ADARB2: variants seen among roughly 807,000 people sequenced by gnomAD.
ADARB2 encodes adenosine deaminase RNA specific B2 (inactive), also known as inactive double-stranded RNA-specific editase B2.
A neutral mutation model predicts 62.2 loss-of-function variants in ADARB2; 25 were observed. The observed-to-expected ratio is 0.40, with a 90% CI of 0.29 to 0.56. ADARB2 has a LOEUF of 0.56. Ranked by LOEUF, ADARB2 falls within the 20% of genes least tolerant of loss-of-function variation. The pLI, the probability that ADARB2 is intolerant of heterozygous loss-of-function variation, is 0.43. For synonymous variants in ADARB2, 572 were observed against 500.8 expected (o/e 1.14, Z -1.90); for missense variants, 1,071 against 1,077.4 (o/e 0.99, Z 0.08).
At chr10:1,581,936 C>G (rs1478022009) in intron 1 of ADARB2, among the ~76,000 whole-genome samples, 4 of 151,760 alleles carry the variant, frequency 2.6e-5, no homozygotes, top group African/African-American at 7.3e-5. Context: ...TTTTCTCTGC[C>G]CTGGAACAGG....
At chr10:1,460,009 C>CAAACCTGCCTGTGACCTCAGTTTACCTGT (rs1831149834) in intron 1 of ADARB2, among the ~76,000 whole-genome samples, 1 of 60,226 alleles carries the variant, frequency 1.7e-5, no homozygotes. Flanking sequence ...AGTTTACCTG[C>CAAACCTGCCTGTGACCTCAGTTTACCTGT]GTAACAAACC....
chr10:1,336,644 G>T (rs1188435471), intron 3 of ADARB2, among the ~76,000 whole-genome samples: 2 of 152,150 alleles, frequency 1.3e-5, no homozygotes, highest in African/African-American at 4.8e-5. Flanking sequence ...AGCTGCTTGT[G>T]AATTATGAGG....
chr10:1,290,795 G>A (rs1028787202), intron 3 of ADARB2: 10 of 152,326 alleles, frequency 6.6e-5, no homozygotes, highest in African/African-American at 2.2e-4. Context: ...TACTGCTTTA[G>A]CAATCAACTT....
At chr10:1,277,706 A>G (rs968178044) in intron 3 of ADARB2, among the ~76,000 whole-genome samples, 2 of 152,320 alleles carry the variant, frequency 1.3e-5, no homozygotes, top group African/African-American at 4.8e-5. Context: ...TCCTTCTGAA[A>G]CTATTCCAAT....
At chr10:1,629,411 C>T (rs1833814718) in intron 1 of ADARB2, among the ~76,000 whole-genome samples, 1 of 152,028 alleles carries the variant, frequency 6.6e-6, no homozygotes, top group African/African-American at 2.4e-5. Flanking sequence ...TAATTCACTT[C>T]CCCCATTACC....
Position 1,537,833 on chromosome 10 carries a change from G to A in ADARB2, c.101-158673C>T, listed in dbSNP as rs568803803. On this transcript the variant is annotated intron_variant, in intron 1 of 9. Coordinates refer to ENST00000381312, the MANE Select transcript of ADARB2 (RefSeq NM_018702.4). ...GTCAGGGGGTGAGGGGTGAGGGGAG[G>A]GACAGCATTAGGACAAATACCTAAT... 1.6e-3 allele frequency among the ~76,000 whole-genome samples: 245 copies of A among 152,054 alleles called. 1 individual carries two copies. The highest frequency in any genetic ancestry group is 3.4e-3 in the Middle Eastern group (1 of 294).
At chr10:1,608,195 A>G (rs1364919570) in intron 1 of ADARB2, among the ~76,000 whole-genome samples, 1 of 152,228 alleles carries the variant, frequency 6.6e-6, no homozygotes, top group Admixed American at 6.5e-5. Context: ...GGGTTTGGAA[A>G]GTCCATAAGA....
intron 3 of ADARB2, among the ~76,000 whole-genome samples, chr10:1,274,676 A>T (rs1320857792): frequency 6.6e-6 from 1 of 152,214 alleles, no homozygotes; most frequent in African/African-American, 2.4e-5. Flanking sequence ...GAAGACACAC[A>T]AACAGTGACA....
chr10:1,361,116 G>A (rs1363175438), intron 3 of ADARB2: 1 of 152,220 alleles, frequency 6.6e-6, no homozygotes, highest in African/African-American at 2.4e-5. Context: ...GAGGTGGCAG[G>A]AGACCCGAGC....
At chr10:1,438,791 C>T (rs1830866272) in intron 1 of ADARB2, among the ~76,000 whole-genome samples, 2 of 147,438 alleles carry the variant, frequency 1.4e-5, no homozygotes, top group African/African-American at 5.0e-5. Flanking sequence ...GAGGCAGGCC[C>T]TTCATGATGG....
At chr10:1,450,900 C>G (rs886112718) in intron 1 of ADARB2, among the ~76,000 whole-genome samples, 1 of 152,204 alleles carries the variant, frequency 6.6e-6, no homozygotes, top group African/African-American at 2.4e-5. Context: ...TTTTGGGTGA[C>G]CCCACTGGCC....
Position 1,363,555 on chromosome 10 carries a change from G to A in ADARB2, c.550C>T (p.Leu184=), listed in dbSNP as rs1387724951. Residue 184 remains leucine, a synonymous_variant, in exon 3 of 10, where the codon CTG becomes TTG. Coordinates refer to ENST00000381312, the MANE Select transcript of ADARB2 (RefSeq NM_018702.4). ...AACTGCACGAAGGACCTGAGTGCCA[G>A]CTCCGCCGCGCGCATCTTGGCCTTC... ...KKKAKMRAAE[L]ALRSFVQFPN... 6.4e-7 allele frequency: 1 copy of A among 1,568,222 alleles called. No homozygotes were observed. Among genetic ancestry groups the A allele is most frequent in the Non-Finnish European group, 8.6e-7 (1 of 1,158,326 alleles).
At chr10:1,604,516 C>CA (rs1415490385) in intron 1 of ADARB2, among the ~76,000 whole-genome samples, 5 of 152,132 alleles carry the variant, frequency 3.3e-5, no homozygotes, top group African/African-American at 1.2e-4. Flanking sequence ...AGGGAGAGGC[C>CA]AGGCACTGTT....
At chr10:1,350,480 C>T (rs968167727) in intron 3 of ADARB2, among the ~76,000 whole-genome samples, 9 of 152,206 alleles carry the variant, frequency 5.9e-5, no homozygotes, top group Non-Finnish European at 1.0e-4. Flanking sequence ...CCTCCTCACA[C>T]CTGGTCTGAC....
chr10:1,462,338 A>G (rs1831185736), intron 1 of ADARB2, among the ~76,000 whole-genome samples: 1 of 152,214 alleles, frequency 6.6e-6, no homozygotes, highest in African/African-American at 2.4e-5. Flanking sequence ...GGGAGAGGCA[A>G]AATAGTGGCA....
In ADARB2 at chr10:1,262,206, T is replaced by G. The variant is rs1404940290; in HGVS notation, c.1192+8749A>C. On this transcript the variant is annotated intron_variant, in intron 4 of 9. Coordinates refer to ENST00000381312, the MANE Select transcript of ADARB2 (RefSeq NM_018702.4). ...TACCTAATGCTAGATGACGAGTTAG[T>G]GGGTGCAGTACACCAGCATGGCACA... Among the ~76,000 whole-genome samples the G allele has an allele frequency of 4.8e-5, 7 of 146,320 alleles. 1 individual carries two copies. Among genetic ancestry groups the G allele is most frequent in the African/African-American group, 1.8e-4 (7 of 37,946 alleles).
chr10:1,273,221 C>G (rs1435206286), intron 3 of ADARB2, among the ~76,000 whole-genome samples: 1 of 152,208 alleles, frequency 6.6e-6, no homozygotes, highest in African/African-American at 2.4e-5. Context: ...CCCTCGTTTA[C>G]TCTTTCAATG....
chr10:1,704,044 A>ATAGTGTTTGT lies in ADARB2; in HGVS notation c.100+33006_100+33007insACAAACACTA, dbSNP rs1554735482. Among the ~76,000 whole-genome samples, 88 of 152,292 alleles carry ATAGTGTTTGT rather than the reference A, an allele frequency of 5.8e-4. No homozygotes were observed. Among genetic ancestry groups the ATAGTGTTTGT allele is most frequent in the Admixed American group, 2.6e-4 (4 of 15,300 alleles). ...GTGACAAGTTACCTCAAGAGTTAGT[A>ATAGTGTTTGT]TCTTAAAAGAACAAACACTATATCT... On this transcript the variant is annotated intron_variant, in intron 1 of 9. Transcript: ENST00000381312. The surrounding 1 kb of genome is among the most constrained non-coding windows in gnomAD (Gnocchi z 5.6).
At chr10:1,557,957 G>A (rs1832728569) in intron 1 of ADARB2, among the ~76,000 whole-genome samples, 3 of 126,348 alleles carry the variant, frequency 2.4e-5, no homozygotes, top group Admixed American at 2.4e-4. Context: ...CAAAATCCAT[G>A]TTCTTCCAGC....
Sources: allele counts gnomAD v4.1 joint callset (sites outside exome capture counted in the v4.1 genomes callset), GRCh38; gene constraint gnomAD v4.1.1; non-coding constraint Gnocchi (gnomAD v3.1); transcripts MANE v1.5; gene names NCBI Gene and HGNC (gene_info 2026-07-23, HGNC 2026-07-21).